The following KLHL5 variants were observed in gnomAD, a reference collection of about 807,000 sequenced individuals.
The protein encoded by KLHL5 is kelch-like protein 5.
Under a neutral mutation model 77.7 loss-of-function variants are expected in KLHL5, and 48 were observed. That is an observed-to-expected ratio of 0.62 (90% CI 0.49 to 0.79). The LOEUF is 0.79. KLHL5 is among the 30% of genes least tolerant of loss of function. KLHL5 has a pLI of 0.00. For missense variants in KLHL5, 723 were observed against 859.7 expected (o/e 0.84, Z 1.99); for synonymous variants, 260 against 297.0 (o/e 0.88, Z 1.28).
chr4:39,082,007 A>T lies in KLHL5; in HGVS notation c.748A>T (p.Thr250Ser). The T allele has an allele frequency of 2.5e-6, 4 of 1,611,520 alleles. No individual in the cohort carries two copies. In the Admixed American group the frequency reaches 6.7e-5, roughly 27 times the overall value. ...AGATAATATTGAGTGCCTGTTATCT[A>T]CAGCTTGCCTTCTTCAGCTTTCACA... ...KEDNIECLLS[T>S]ACLLQLSQVV... is the part of the protein sequence containing the mutation. Residue 250 changes from threonine (T) to serine (S), a missense_variant, in exon 4 of 11, where the codon ACA (threonine) becomes TCA (serine). Physicochemically the swap from Thr to Ser is moderately conservative, Grantham distance 58. This residue lies in a region of KLHL5 where 288 missense variants were observed against 400.3 expected (regional missense o/e 0.72). Transcript: ENST00000504108.
At position 39,123,892 on chromosome 4, in the gene KLHL5, G is replaced by A. The variant is rs1442280772; in HGVS notation, c.*2826G>A. Reference sequence around the variant, plus strand: ...AAATAAAATGAATCCCAAATAGGAAGAAGTAAAACTACATTTGCAGAAAAC... The same window carrying A: ...AAATAAAATGAATCCCAAATAGGAAAAAGTAAAACTACATTTGCAGAAAAC... On this transcript the variant is annotated 3_prime_UTR_variant, in exon 11 of 11. Transcript: ENST00000504108. Among the ~76,000 whole-genome samples the A allele has an allele frequency of 6.6e-6, 1 of 152,092 alleles. No individual in the cohort carries two copies. The highest frequency in any genetic ancestry group is 2.4e-5 in the African/African-American group (1 of 41,424).
At chr4:39,060,078 G>A (rs1717284099), upstream of KLHL5, among the ~76,000 whole-genome samples, 1 of 151,816 alleles carries the variant, frequency 6.6e-6, no homozygotes, top group African/African-American at 2.4e-5. Context: ...TAATAAATTG[G>A]TTTTTTTACA....
At chr4:39,086,892 T>C (rs1010488115) in intron 5 of KLHL5, among the ~76,000 whole-genome samples, 165 bp downstream of exon 5, 1 of 149,010 alleles carries the variant, frequency 6.7e-6, no homozygotes, top group Non-Finnish European at 1.5e-5. Context: ...ATTGCTTCAA[T>C]TAAGTAACAT....
intron 6 of KLHL5, among the ~76,000 whole-genome samples, chr4:39,102,527 T>G (rs973218583): frequency 6.6e-6 from 1 of 152,000 alleles, no homozygotes; most frequent in Non-Finnish European, 1.5e-5. Context: ...CCTCCTCCCG[T>G]GAAAGACAGC....
chr4:39,140,126 G>A, the KLHL5 span, among the ~76,000 whole-genome samples: 4 of 152,038 alleles, frequency 2.6e-5, no homozygotes, highest in Admixed American at 1.3e-4. Flanking sequence ...ACTTGGGGGG[G>A]GCTGGGGCAG....
chr4:39,079,634 CT>C (rs1382143838), intron 2 of KLHL5, among the ~76,000 whole-genome samples: 1 of 152,182 alleles, frequency 6.6e-6, no homozygotes, highest in South Asian at 2.1e-4. Context: ...CTTTGCCCAA[CT>C]TTTTTTCCCC....
At chr4:39,139,733 A>T in the KLHL5 span, among the ~76,000 whole-genome samples, 1 of 152,204 alleles carries the variant, frequency 6.6e-6, no homozygotes, top group Non-Finnish European at 1.5e-5. Context: ...ACTTCACATG[A>T]TAGGATGCAA....
chr4:39,117,698 A>G (rs1158829214), intron 10 of KLHL5, among the ~76,000 whole-genome samples: 2 of 152,208 alleles, frequency 1.3e-5, no homozygotes, highest in African/African-American at 4.8e-5. Context: ...ACAGTGTAAG[A>G]AAGAATGAAG....
At chr4:39,070,631 G>T (rs1241787616) in intron 1 of KLHL5, among the ~76,000 whole-genome samples, 1 of 152,116 alleles carries the variant, frequency 6.6e-6, no homozygotes, top group African/African-American at 2.4e-5. Flanking sequence ...GTATAAAAAT[G>T]TCCATTTGCC....
intron 10 of KLHL5, among the ~76,000 whole-genome samples, chr4:39,118,887 G>T (rs572046396): frequency 2.6e-4 from 39 of 152,264 alleles, no homozygotes; most frequent in Non-Finnish European, 4.3e-4. Flanking sequence ...AGAAGAAAAG[G>T]ACTTAGATTG....
At chr4:39,059,026 A>G (rs115496787), upstream of KLHL5, among the ~76,000 whole-genome samples, 2,357 of 152,298 alleles carry the variant, frequency 0.015, 59 homozygotes, top group African/African-American at 0.053. Context: ...GACCATTTTG[A>G]TAATTTAATA....
intron 1 of KLHL5, among the ~76,000 whole-genome samples, chr4:39,066,420 A>T (rs553329269): frequency 6.6e-6 from 1 of 152,204 alleles, no homozygotes; most frequent in Non-Finnish European, 1.5e-5. Context: ...AATTTCATTT[A>T]TAAAGTTAGA....
the KLHL5 span, among the ~76,000 whole-genome samples, chr4:39,139,009 T>C: frequency 1.3e-5 from 2 of 152,040 alleles, no homozygotes; most frequent in Non-Finnish European, 2.9e-5. Flanking sequence ...CAGCTGGGCG[T>C]GGTGGCTCAC....
chr4:39,105,737 TACACACACACACACAC>T (rs10536180), intron 7 of KLHL5, among the ~76,000 whole-genome samples: 2 of 146,626 alleles, frequency 1.4e-5, no homozygotes, highest in Admixed American at 6.8e-5. Context: ...TATATATGTA[TACACACACACACACAC>T]ACACACACAC....
At chr4:39,135,561 G>A in the KLHL5 span, 6 of 152,466 alleles carry the variant, frequency 3.9e-5, no homozygotes, top group African/African-American at 1.4e-4. Context: ...TGTCCACGTT[G>A]ACTGAGCAGG....
chr4:39,048,659 T>TTTTTG (rs1340360288), intron 1 of KLHL5, among the ~76,000 whole-genome samples: 3 of 148,758 alleles, frequency 2.0e-5, no homozygotes, highest in African/African-American at 5.0e-5. Context: ...TTTTTTTTTT[T>TTTTTG]GGAGATGAAG....
At chr4:39,116,018 A>C (rs1722807391) in intron 10 of KLHL5, 1 of 985,560 alleles carries the variant, frequency 1.0e-6, no homozygotes, top group Non-Finnish European at 1.2e-6. Flanking sequence ...ACAAGGAGCC[A>C]TGATAAGTAT....
At chr4:39,077,922 T>C (rs1719231397) in intron 2 of KLHL5, among the ~76,000 whole-genome samples, 1 of 152,196 alleles carries the variant, frequency 6.6e-6, no homozygotes, top group Non-Finnish European at 1.5e-5. Flanking sequence ...GGTGTATACA[T>C]ATATCATGGA....
chr4:39,115,253 G>C lies in KLHL5; in HGVS notation c.1996G>C (p.Ala666Pro). The C allele has an allele frequency of 1.2e-6, 2 of 1,614,080 alleles. No individual in the cohort carries two copies. The highest frequency in any genetic ancestry group is 1.7e-6 in the Non-Finnish European group (2 of 1,179,974). The change falls in exon 10 of 11, where the codon GCT (alanine) becomes CCT (proline). Residue 666 changes from alanine to proline, a missense_variant. This residue lies in a region of KLHL5 where 214 missense variants were observed against 237.4 expected (regional missense o/e 0.90). Coordinates refer to ENST00000504108, the MANE Select transcript of KLHL5 (RefSeq NM_015990.5). ...CTGTTTACTTGGTGATAAGTTATAT[G>C]CTGTTGGGGGGTATGATGGACAGGC... is the stretch of plus-strand genomic sequence containing the variant. ...GVCLLGDKLY[A>P]VGGYDGQAYL... is the part of the protein sequence containing the mutation.
Sources: allele counts gnomAD v4.1 joint callset (sites outside exome capture counted in the v4.1 genomes callset), GRCh38; gene constraint gnomAD v4.1.1; regional missense constraint gnomAD v4.1.1; transcripts MANE v1.5; gene names NCBI Gene and HGNC (gene_info 2026-07-23, HGNC 2026-07-21).